Variants in RET observed in about 807,000 individuals in gnomAD.
The protein encoded by RET is ret proto-oncogene.
RET carries 19 observed loss-of-function variants against 118.3 expected under a neutral mutation model. That is an observed-to-expected ratio of 0.16 (90% CI 0.11 to 0.24). The LOEUF is 0.24. RET is among the 10% of genes least tolerant of loss of function. RET has a pLI of 1.00. For missense variants in RET, 1,219 were observed against 1,502.1 expected (o/e 0.81, Z 3.12); for synonymous variants, 597 against 644.1 (o/e 0.93, Z 1.11).
chr10:43,081,966 C>A (rs568062174), intron 1 of RET, among the ~76,000 whole-genome samples: 10 of 152,206 alleles, frequency 6.6e-5, no homozygotes, highest in Admixed American at 1.3e-4. Flanking sequence ...CTTTCTCCCC[C>A]CTTCTCTGAG....
At chr10:43,089,587 C>G (rs564364473) in intron 1 of RET, among the ~76,000 whole-genome samples, 2 of 152,188 alleles carry the variant, frequency 1.3e-5, no homozygotes, top group Non-Finnish European at 2.9e-5. Flanking sequence ...ACCTCAGGAC[C>G]CCAGGGGACA....
chr10:43,120,880 G>A (rs912993286), intron 15 of RET, among the ~76,000 whole-genome samples: 17 of 152,126 alleles, frequency 1.1e-4, no homozygotes, highest in African/African-American at 4.1e-4. Flanking sequence ...AAGTTCAAGG[G>A]GCTGCTCAAA....
Position 43,125,110 on chromosome 10 carries a change from A to T in RET, c.3039+128A>T, listed in dbSNP as rs1393254277. On this transcript the variant is annotated intron_variant, in intron 18 of 19. Coordinates refer to ENST00000355710, the MANE Select transcript of RET (RefSeq NM_020975.6). ...CCACAGTGGGATTGTGCAGAGAGAG[A>T]GAGTCATGCTCTCCCCTGCATGCAG... 7 of 849,526 alleles carry T rather than the reference A, an allele frequency of 8.2e-6. No individual in the cohort carries two copies. In the East Asian group the frequency reaches 1.9e-4, roughly 22 times the overall value. The allele number at this position is 849,526 out of a possible 1,614,324, so 52.6% of individuals were successfully genotyped here. A position where few individuals can be genotyped will look rare whatever the true frequency, so the allele number is the denominator to read the frequency against.
chr10:43,086,801 C>G (rs769207961), intron 1 of RET, among the ~76,000 whole-genome samples: 1 of 152,262 alleles, frequency 6.6e-6, no homozygotes, highest in Non-Finnish European at 1.5e-5. Flanking sequence ...CTGGCCAGGC[C>G]GCTGCAGCTG....
intron 1 of RET, among the ~76,000 whole-genome samples, chr10:43,088,202 CGGT>C (rs1003326092): frequency 2.8e-5 from 4 of 141,046 alleles, no homozygotes; most frequent in Non-Finnish European, 4.6e-5. Flanking sequence ...ATGGTGAAGA[CGGT>C]GGTGGGAATG....
intron 9 of RET, 41 bp downstream of exon 9, chr10:43,113,004 T>G (rs1837977114): frequency 6.5e-7 from 1 of 1,544,874 alleles, no homozygotes; most frequent in Non-Finnish European, 8.9e-7. Flanking sequence ...AGGTAGGAGA[T>G]AGTAGGGGAA....
chr10:43,115,853 C>T (rs2132882422), intron 11 of RET, among the ~76,000 whole-genome samples: 1 of 152,336 alleles, frequency 6.6e-6, no homozygotes, highest in South Asian at 2.1e-4. Flanking sequence ...GAAGCCATGG[C>T]AGTGTCGACA....
intron 2 of RET, 182 bp from the exon 3 acceptor site, chr10:43,102,160 G>T: frequency 1.4e-6 from 1 of 726,170 alleles, no homozygotes. Flanking sequence ...ATTGGTGCTG[G>T]GCAGCAGGGC....
Position 43,114,484 on chromosome 10 carries a change from A to G in RET, c.1884A>G (p.Pro628=), listed in dbSNP as rs786202671. Residue 628 remains proline, a synonymous_variant, in exon 11 of 20, where the codon CCA becomes CCG. Transcript: ENST00000355710. This position sits in a 1 kb window ranked among gnomAD's most constrained non-coding sequence, Gnocchi z 4.6. Reference sequence around the variant, plus strand: ...TCACACCACCCCCACCCACAGATCCACTGTGCGACGAGCTGTGCCGCACGG... The same window carrying G: ...TCACACCACCCCCACCCACAGATCCGCTGTGCGACGAGCTGTGCCGCACGG... The part of the protein sequence containing the change: ...CFCEPEDIQD[P]LCDELCRTVI... 2.5e-6 allele frequency: 4 copies of G among 1,605,598 alleles called. No individual in the cohort carries two copies. In the East Asian group the frequency reaches 8.9e-5, roughly 36 times the overall value.
intron 6 of RET, among the ~76,000 whole-genome samples, chr10:43,110,057 G>A (rs1243935295): frequency 6.6e-6 from 1 of 152,134 alleles, no homozygotes; most frequent in African/African-American, 2.4e-5. Flanking sequence ...TCCAGCCCAC[G>A]AGGGAGCCCA....
Position 43,129,802 on chromosome 10 carries a change from A to G in RET, c.*1533A>G, listed in dbSNP as rs1838409564. ...GGTGTGTGCGCACACACCCAGAGGG[A>G]GAGTTTGAAAAATGCTTATTGGACA... On this transcript the variant is annotated 3_prime_UTR_variant, in exon 20 of 20. Coordinates refer to ENST00000355710, the MANE Select transcript of RET (RefSeq NM_020975.6). 7.7e-6 allele frequency: 3 copies of G among 388,162 alleles called. No individual in the cohort carries two copies. Among genetic ancestry groups the G allele is most frequent in the Admixed American group, 4.5e-5 (1 of 22,400 alleles). 24.0% of individuals were successfully genotyped at this position (388,162 alleles called of 1,614,324 possible).
At chr10:43,113,424 C>T (rs1837987590) in intron 9 of RET, 132 bp from the exon 10 acceptor site, 1 of 1,098,214 alleles carries the variant, frequency 9.1e-7, no homozygotes, top group Non-Finnish European at 1.3e-6. Flanking sequence ...AGCTGCTGGG[C>T]CCCTGGCCTC....
In RET at chr10:43,127,218, G is replaced by GCAGCCACTGGCCAAGCCT. The variant is rs1393871728; in HGVS notation, c.3187+502_3187+519dup. On this transcript the variant is annotated intron_variant, in intron 19 of 19. Transcript: ENST00000355710. ...CTCAGAGGCCACCCGGCACTGGCGA[G>GCAGCCACTGGCCAAGCCT]CAGCCACTGGCCAAGCCTCAGCCCC... The GCAGCCACTGGCCAAGCCT allele has an allele frequency of 9.2e-6, 10 of 1,082,024 alleles. No homozygotes were observed. In the East Asian group the frequency reaches 1.5e-4, roughly 16 times the overall value. The allele number at this position is 1,082,024 out of a possible 1,614,324, so 67.0% of individuals were successfully genotyped here.
In RET at chr10:43,109,086, G is replaced by A. The variant is rs113931414; in HGVS notation, c.1119G>A (p.Ala373=). The stretch of plus-strand genomic sequence containing the variant: ...CGGAGAACCGCACCATGCAGCTGGC[G>A]GTGCTGGTCAATGACTCAGACTTCC... ...SISENRTMQL[A]VLVNDSDFQG... is the part of the protein sequence containing the mutation. The change falls in exon 6 of 20, where the codon GCG becomes GCA. Residue 373 remains alanine (A), a synonymous_variant. Coordinates refer to ENST00000355710, the MANE Select transcript of RET (RefSeq NM_020975.6). The A allele has an allele frequency of 1.4e-4, 230 of 1,613,752 alleles. No homozygotes were observed. In the African/African-American group the frequency reaches 2.3e-3, roughly 16 times the overall value.
chr10:43,102,310 G>A lies in RET; in HGVS notation c.338-32G>A, dbSNP rs185728832. 2.0e-4 allele frequency: 321 copies of A among 1,611,728 alleles called. No homozygotes were observed. In the African/African-American group the frequency reaches 3.1e-3, roughly 16 times the overall value. On this transcript the variant is annotated intron_variant, in intron 2 of 19. Transcript: ENST00000355710. ...TCCCGACTGCCTGGCAGATGTGGCC[G>A]ATGCCCCCACAGACCTGACTTCTCT...
intron 2 of RET, among the ~76,000 whole-genome samples, chr10:43,101,346 C>A (rs1219167185): frequency 6.6e-6 from 1 of 152,264 alleles, no homozygotes; most frequent in Non-Finnish European, 1.5e-5. Flanking sequence ...GCACAGCCCT[C>A]ACAACCACCC....
At position 43,105,056 on chromosome 10, in the gene RET, A is replaced by G; in HGVS notation, c.730A>G (p.Thr244Ala). The G allele has an allele frequency of 6.2e-7, 1 of 1,609,180 alleles. No homozygotes were observed. The highest frequency in any genetic ancestry group is 8.5e-7 in the Non-Finnish European group (1 of 1,179,530). The change falls in exon 4 of 20, where the codon ACC becomes GCC. Residue 244 changes from threonine (T) to alanine (A), a missense_variant. Physicochemically the swap from Thr to Ala is moderately conservative, Grantham distance 58 (BLOSUM62 0). Coordinates refer to ENST00000355710, the MANE Select transcript of RET (RefSeq NM_020975.6). ...REKYELVAVC[T>A]VHAGAREEVV... ...GAAGTACGAGCTGGTGGCCGTGTGC[A>G]CCGTGCACGCCGGCGCGCGCGAGGA...
intron 1 of RET, among the ~76,000 whole-genome samples, chr10:43,084,208 C>T (rs79257240): frequency 6.6e-6 from 1 of 152,184 alleles, no homozygotes; most frequent in Non-Finnish European, 1.5e-5. Context: ...TACCTGAGTT[C>T]GTGCTTTCAG....
At chr10:43,123,639 G>T in intron 16 of RET, 32 bp from the exon 17 acceptor site, 1 of 1,613,928 alleles carries the variant, frequency 6.2e-7, no homozygotes, top group Non-Finnish European at 8.5e-7. Flanking sequence ...GGGCCAGGTG[G>T]AGCCACTCAC....
Sources: gnomAD v4.1 joint callset for allele counts (sites outside exome capture counted in the v4.1 genomes callset) on GRCh38, gnomAD v4.1.1 for gene constraint, Gnocchi (gnomAD v3.1) non-coding constraint, MANE v1.5 for transcripts, NCBI Gene and HGNC (gene_info 2026-07-23, HGNC 2026-07-21) for gene names.